COL5A2: variants seen among roughly 807,000 people sequenced by gnomAD.
COL5A2 encodes the protein collagen alpha-2(V) chain.
A neutral mutation model predicts 208.2 loss-of-function variants in COL5A2; 23 were observed. The ratio of observed to expected loss-of-function variants is 0.11; its 90% confidence interval spans 0.08 to 0.16. The LOEUF (loss-of-function observed/expected upper bound fraction) is 0.16, where lower values mean the gene tolerates loss of function less well. COL5A2 is among the 10% of genes least tolerant of loss of function. The pLI is 1.00. For missense variants in COL5A2, 1,590 were observed against 1,956.4 expected, an observed-to-expected ratio of 0.81 and a Z score of 3.53; for synonymous variants, 625 against 628.5, an observed-to-expected ratio of 0.99 and a Z score of 0.08.
At chr2:189,104,675 T>TA (rs938739804) in intron 2 of COL5A2, among the ~76,000 whole-genome samples, 49 of 151,850 alleles carry the variant, frequency 3.2e-4, no homozygotes, top group African/African-American at 9.4e-4. Context: ...AATTATACAC[T>TA]AAAAAATGTC....
chr2:189,086,974 T>C (rs1255719395), intron 8 of COL5A2, among the ~76,000 whole-genome samples: 2 of 152,200 alleles, frequency 1.3e-5, no homozygotes, highest in Non-Finnish European at 2.9e-5. Context: ...ATTTTATACA[T>C]AACTTCAGTG....
the COL5A2 span, among the ~76,000 whole-genome samples, chr2:189,423,663 A>G: frequency 6.6e-6 from 1 of 152,168 alleles, no homozygotes; most frequent in Admixed American, 6.5e-5. Flanking sequence ...AGATTGAACT[A>G]TAAAGAAAAG....
At chr2:189,095,806 G>A (rs1686898773) in intron 6 of COL5A2, 1 of 150,078 alleles carries the variant, frequency 6.7e-6, no homozygotes, top group Non-Finnish European at 1.5e-5. Context: ...CCCAACTGAT[G>A]TTATTTTCTA....
At chr2:189,347,966 A>C in the COL5A2 span, among the ~76,000 whole-genome samples, 5 of 152,296 alleles carry the variant, frequency 3.3e-5, no homozygotes, top group South Asian at 1.0e-3. Flanking sequence ...GCATGTTTTC[A>C]GTGAAAAGAA....
At chr2:189,309,129 C>T in the COL5A2 span, among the ~76,000 whole-genome samples, 6 of 152,234 alleles carry the variant, frequency 3.9e-5, no homozygotes, top group South Asian at 2.1e-4. Context: ...GGTCTCTCCC[C>T]GACAACCTCA....
chr2:189,145,138 T>C (rs1207092458), intron 1 of COL5A2, among the ~76,000 whole-genome samples: 1 of 152,136 alleles, frequency 6.6e-6, no homozygotes, highest in Non-Finnish European at 1.5e-5. Context: ...GTATAAAAAC[T>C]TTCTTACTTC....
the COL5A2 span, among the ~76,000 whole-genome samples, chr2:189,402,889 T>A: frequency 1.3e-4 from 20 of 152,190 alleles, no homozygotes; most frequent in African/African-American, 4.3e-4. Flanking sequence ...TCTTGGCTAT[T>A]CAGGCTCCTT....
chr2:189,076,520 A>G (rs931286609), intron 16 of COL5A2, among the ~76,000 whole-genome samples: 2 of 152,226 alleles, frequency 1.3e-5, no homozygotes, highest in African/African-American at 2.4e-5. Context: ...TGTATAGTGC[A>G]TCTATTGGAG....
the COL5A2 span, among the ~76,000 whole-genome samples, chr2:189,335,421 A>G: frequency 6.6e-6 from 1 of 152,116 alleles, no homozygotes. Flanking sequence ...AAAGTGAAAA[A>G]CAGAGCTGTC....
At chr2:189,146,779 T>TA (rs1263584084) in intron 1 of COL5A2, among the ~76,000 whole-genome samples, 1 of 152,048 alleles carries the variant, frequency 6.6e-6, no homozygotes, top group Non-Finnish European at 1.5e-5. Flanking sequence ...CCAGATGCAT[T>TA]AAAAAATGCT....
chr2:189,285,109 T>C, the COL5A2 span, among the ~76,000 whole-genome samples: 424 of 151,510 alleles, frequency 2.8e-3, no homozygotes, highest in African/African-American at 9.0e-3. Flanking sequence ...TGTGTGTGTC[T>C]AGAAAAGAGT....
chr2:189,099,690 T>C (rs1687009971), intron 4 of COL5A2, among the ~76,000 whole-genome samples: 1 of 152,180 alleles, frequency 6.6e-6, no homozygotes, highest in Admixed American at 6.5e-5. Context: ...TAATCCTGTT[T>C]AGTAACATAC....
chr2:189,186,806 T>C (rs1454073551), intron 1 of COL5A2, among the ~76,000 whole-genome samples: 1 of 152,252 alleles, frequency 6.6e-6, no homozygotes, highest in African/African-American at 2.4e-5. Flanking sequence ...ATGCTATCTA[T>C]ATCCAAATTT....
the COL5A2 span, among the ~76,000 whole-genome samples, chr2:189,422,525 T>A: frequency 6.6e-6 from 1 of 152,300 alleles, no homozygotes; most frequent in African/African-American, 2.4e-5. Flanking sequence ...GAAAGCATAG[T>A]ATTTAAACTA....
chr2:189,335,361 T>A, the COL5A2 span, among the ~76,000 whole-genome samples: 1 of 152,064 alleles, frequency 6.6e-6, no homozygotes, highest in Non-Finnish European at 1.5e-5. Context: ...CAATTGCTGG[T>A]GGGAATGTAA....
chr2:189,396,089 G>C, the COL5A2 span, among the ~76,000 whole-genome samples: 1 of 151,876 alleles, frequency 6.6e-6, no homozygotes, highest in Admixed American at 6.6e-5. Context: ...TTAGAATACA[G>C]GAAACTTCAT....
chr2:189,161,403 A>G (rs1055409814), intron 1 of COL5A2, among the ~76,000 whole-genome samples: 1 of 152,172 alleles, frequency 6.6e-6, no homozygotes, highest in African/African-American at 2.4e-5. Flanking sequence ...TCAAGTCACT[A>G]TAAATAAAAC....
At chr2:189,293,145 C>A in the COL5A2 span, among the ~76,000 whole-genome samples, 5 of 151,886 alleles carry the variant, frequency 3.3e-5, no homozygotes, top group Non-Finnish European at 1.5e-5. Flanking sequence ...AGGAGATATA[C>A]CTAACACTAA....
the COL5A2 span, among the ~76,000 whole-genome samples, chr2:189,386,675 T>C: frequency 6.6e-6 from 1 of 151,954 alleles, no homozygotes; most frequent in Non-Finnish European, 1.5e-5. Context: ...TATGAACACA[T>C]ACTTCTCAAA....
Sources: gnomAD v4.1 joint callset for allele counts (sites outside exome capture counted in the v4.1 genomes callset) on GRCh38, gnomAD v4.1.1 for gene constraint, MANE v1.5 for transcripts, NCBI Gene and HGNC (gene_info 2026-07-23, HGNC 2026-07-21) for gene names.